The following ATG4C variants were observed in gnomAD, a reference collection of about 807,000 sequenced individuals.
ATG4C encodes the protein autophagy related 4C cysteine peptidase.
In ATG4C, 56 loss-of-function variants were observed where a neutral mutation model predicts 57.6. The ratio of observed to expected loss-of-function variants is 0.97; its 90% CI spans 0.78 to 1.21. The LOEUF (loss-of-function observed/expected upper bound fraction) is 1.21, where lower values mean the gene tolerates loss of function less well. ATG4C is among the 50% of genes most tolerant of loss of function. ATG4C has a pLI of 0.00. For synonymous variants in ATG4C, 157 were observed against 174.1 expected (o/e 0.90, Z 0.78); for missense variants, 595 against 529.8 (o/e 1.12, Z -1.21).
chr1:62,819,108 AG>A lies in ATG4C; in HGVS notation c.502del (p.Glu168LysfsTer11), dbSNP rs1415000176. The A allele has an allele frequency of 5.6e-6, 9 of 1,612,884 alleles. No individual in the cohort carries two copies. Among genetic ancestry groups the A allele is most frequent in the Non-Finnish European group, 5.9e-6 (7 of 1,179,448 alleles). On this transcript the variant is annotated frameshift_variant, in exon 5 of 11. Coordinates refer to ENST00000317868, the MANE Select transcript of ATG4C (RefSeq NM_032852.4). LOFTEE classifies it high-confidence loss of function. ...FTASFEASLS[G>X]EREFKTPTIS... The stretch of plus-strand genomic sequence containing the variant: ...CTGCATCATTTGAAGCATCACTTTC[AG>A]GGGAAAGAGAATTCAAAACCCCAAC...
At chr1:62,849,527 T>C (rs1490074057) in intron 10 of ATG4C, among the ~76,000 whole-genome samples, 1 of 152,112 alleles carries the variant, frequency 6.6e-6, no homozygotes, top group Non-Finnish European at 1.5e-5. Context: ...CTTTTTTTTT[T>C]TGGAGACAGA....
chr1:62,841,314 G>A, intron 9 of ATG4C, 114 bp from the exon 10 acceptor site: 1 of 936,878 alleles, frequency 1.1e-6, no homozygotes, highest in Non-Finnish European at 1.5e-6. Context: ...AACACCATTT[G>A]AAAATCATGT....
At chr1:62,823,191 A>T (rs1456025322) in intron 6 of ATG4C, among the ~76,000 whole-genome samples, 1 of 152,186 alleles carries the variant, frequency 6.6e-6, no homozygotes, top group Non-Finnish European at 1.5e-5. Context: ...TCAATATGTG[A>T]TAACTTATAT....
intron 8 of ATG4C, 31 bp downstream of exon 8, chr1:62,834,147 T>C (rs746886603): frequency 4.4e-6 from 7 of 1,589,774 alleles, no homozygotes; most frequent in Middle Eastern, 1.7e-4. Flanking sequence ...TATTTCTTCA[T>C]TGTTTTCTTT....
At chr1:62,824,668 TC>T (rs1483819577) in intron 6 of ATG4C, among the ~76,000 whole-genome samples, 3 of 82,662 alleles carry the variant, frequency 3.6e-5, no homozygotes, top group African/African-American at 1.1e-4. Flanking sequence ...TCTCTCTCTC[TC>T]TTTTTTTTTT....
chr1:62,844,029 G>A (rs916846178), intron 10 of ATG4C, among the ~76,000 whole-genome samples: 2 of 152,130 alleles, frequency 1.3e-5, no homozygotes, highest in East Asian at 3.8e-4. Flanking sequence ...GAAAGAGAAG[G>A]TTACTTCAAG....
chr1:62,828,109 C>T (rs1018188182), intron 6 of ATG4C, among the ~76,000 whole-genome samples: 2 of 152,134 alleles, frequency 1.3e-5, no homozygotes, highest in Non-Finnish European at 2.9e-5. Context: ...CTGCAGTGAA[C>T]ATTCGTGTGC....
intron 10 of ATG4C, among the ~76,000 whole-genome samples, chr1:62,850,911 T>TACACAC (rs1357072059): frequency 1.7e-5 from 2 of 119,020 alleles, no homozygotes; most frequent in Non-Finnish European, 3.6e-5. Flanking sequence ...TACATACACA[T>TACACAC]ACACACACAT....
chr1:62,822,046 A>T (rs1303084486), intron 6 of ATG4C, among the ~76,000 whole-genome samples: 1 of 152,160 alleles, frequency 6.6e-6, no homozygotes, highest in Non-Finnish European at 1.5e-5. Flanking sequence ...TTGCGGATAA[A>T]ATAGACACCT....
At chr1:62,806,285 T>C (rs1402369137) in intron 3 of ATG4C, among the ~76,000 whole-genome samples, 1 of 152,008 alleles carries the variant, frequency 6.6e-6, no homozygotes, top group East Asian at 1.9e-4. Context: ...GTGTCCAGTT[T>C]AGCTATGGTG....
rs529301638 is a variant in ATG4C, at chr1:62,793,429, T to C, written c.-69+9156T>C. On this transcript the variant is annotated intron_variant, in intron 1 of 10. Transcript: ENST00000317868. ...GAGTTTGAGATCAGCCTGGGCCATA[T>C]GGCAAAACCCCATCTCTACAAAGAA... Among the ~76,000 whole-genome samples, 7 of 150,560 alleles carry C rather than the reference T, an allele frequency of 4.6e-5. No homozygotes were observed. In the East Asian group the frequency reaches 1.2e-3, roughly 26 times the overall value.
chr1:62,815,052 G>T (rs563795226), intron 3 of ATG4C, among the ~76,000 whole-genome samples: 1 of 152,040 alleles, frequency 6.6e-6, no homozygotes, highest in Admixed American at 6.6e-5. Flanking sequence ...GTGACAGAAC[G>T]AGACTCTTTC....
At chr1:62,800,897 G>T (rs979516692) in intron 1 of ATG4C, among the ~76,000 whole-genome samples, 9 of 152,284 alleles carry the variant, frequency 5.9e-5, no homozygotes, top group African/African-American at 2.2e-4. Flanking sequence ...AAAGTTTAGA[G>T]AGGGCAGTCA....
intron 5 of ATG4C, among the ~76,000 whole-genome samples, chr1:62,820,384 C>A (rs148466902): frequency 2.2e-4 from 33 of 152,104 alleles, no homozygotes; most frequent in Non-Finnish European, 3.7e-4. Context: ...GCAGATGGTA[C>A]AAAAACAGGA....
At chr1:62,845,504 T>C (rs1274868702) in intron 10 of ATG4C, among the ~76,000 whole-genome samples, 3 of 152,124 alleles carry the variant, frequency 2.0e-5, no homozygotes, top group Non-Finnish European at 1.5e-5. Context: ...ACGTTACAAA[T>C]ATATTCTTCT....
At chr1:62,795,210 G>C (rs894918903) in intron 1 of ATG4C, among the ~76,000 whole-genome samples, 2 of 152,164 alleles carry the variant, frequency 1.3e-5, no homozygotes, top group African/African-American at 2.4e-5. Context: ...AATCCTCAGT[G>C]GATAAAGTAG....
chr1:62,790,930 G>A (rs1284318122), intron 1 of ATG4C, among the ~76,000 whole-genome samples: 1 of 152,150 alleles, frequency 6.6e-6, no homozygotes, highest in Non-Finnish European at 1.5e-5. Context: ...ATTGTTGGGG[G>A]TACTTTAACT....
At chr1:62,861,985 A>C (rs1666873661) in intron 10 of ATG4C, among the ~76,000 whole-genome samples, 1 of 152,198 alleles carries the variant, frequency 6.6e-6, no homozygotes, top group African/African-American at 2.4e-5. Context: ...AACTTTTCAG[A>C]ATCAAATTAT....
At chr1:62,827,815 C>T (rs1390239887) in intron 6 of ATG4C, among the ~76,000 whole-genome samples, 1 of 151,936 alleles carries the variant, frequency 6.6e-6, no homozygotes, top group Admixed American at 6.6e-5. Flanking sequence ...CCTCCACCCT[C>T]CATCCTCAAG....
Sources: gnomAD v4.1 joint callset for allele counts (sites outside exome capture counted in the v4.1 genomes callset) on GRCh38, gnomAD v4.1.1 for gene constraint, MANE v1.5 for transcripts, NCBI Gene and HGNC (gene_info 2026-07-23, HGNC 2026-07-21) for gene names.